The following CELF4 variants were observed in gnomAD, a reference collection of about 807,000 sequenced individuals.
The protein encoded by CELF4 is CUGBP Elav-like family member 4.
A neutral mutation model predicts 59.9 loss-of-function variants in CELF4; 18 were observed. That is an observed-to-expected ratio of 0.30 (90% CI 0.21 to 0.45). The LOEUF (loss-of-function observed/expected upper bound fraction) is 0.45, where lower values mean the gene tolerates loss of function less well. Among genes scored for constraint, CELF4 ranks in the 20% least tolerant of loss-of-function variants. CELF4 has a pLI of 1.00. For missense variants in CELF4, 456 were observed against 689.0 expected (o/e 0.66, Z 3.79); for synonymous variants, 261 against 267.1 (o/e 0.98, Z 0.22).
intron 8 of CELF4, among the ~76,000 whole-genome samples, chr18:37,268,770 T>C (rs2078953983): frequency 6.6e-6 from 1 of 152,220 alleles, no homozygotes; most frequent in South Asian, 2.1e-4. Context: ...AACGACCTCA[T>C]TAGTAACTGC....
intron 8 of CELF4, among the ~76,000 whole-genome samples, chr18:37,269,512 C>T (rs2090087554): frequency 6.6e-6 from 1 of 152,196 alleles, no homozygotes; most frequent in Non-Finnish European, 1.5e-5. Context: ...GATGGGCACC[C>T]AGAGTGGGGA....
At chr18:37,518,816 G>T (rs1355069103) in intron 1 of CELF4, among the ~76,000 whole-genome samples, 1 of 152,228 alleles carries the variant, frequency 6.6e-6, no homozygotes. Flanking sequence ...GTTCCTTACA[G>T]TTTTAGGTGT....
intron 1 of CELF4, among the ~76,000 whole-genome samples, chr18:37,539,759 G>A (rs113337892): frequency 1.0e-3 from 154 of 152,244 alleles, no homozygotes; most frequent in African/African-American, 3.6e-3. Context: ...CTGGGCATGT[G>A]GCTAGTAAAA....
intron 2 of CELF4, among the ~76,000 whole-genome samples, chr18:37,388,054 G>T (rs2099118059): frequency 6.6e-6 from 1 of 152,068 alleles, no homozygotes; most frequent in Non-Finnish European, 1.5e-5. Context: ...GAAGGCAGGA[G>T]TTGGGGGAGG....
chr18:37,406,079 C>T (rs914126080), intron 2 of CELF4, among the ~76,000 whole-genome samples: 4 of 152,104 alleles, frequency 2.6e-5, no homozygotes, highest in African/African-American at 4.8e-5. Context: ...GACGCAGGTT[C>T]GCTGGAGAAA....
intron 1 of CELF4, among the ~76,000 whole-genome samples, chr18:37,515,665 T>C (rs891196409): frequency 6.6e-6 from 1 of 151,920 alleles, no homozygotes; most frequent in African/African-American, 2.4e-5. Flanking sequence ...AGGGTGGCGG[T>C]GGATCCAGTG....
At position 37,419,411 on chromosome 18, in the gene CELF4, G is replaced by A. The variant is rs537065607; in HGVS notation, c.369+66114C>T. 5.9e-5 allele frequency among the ~76,000 whole-genome samples: 9 copies of A among 152,280 alleles called. No individual in the cohort carries two copies. In the South Asian group the frequency reaches 1.5e-3, roughly 25 times the overall value. On this transcript the variant is annotated intron_variant, in intron 2 of 12. Coordinates refer to ENST00000420428, the MANE Select transcript of CELF4 (RefSeq NM_020180.4). ...TCAGGAAAAGACGCAGGAGAGATGG[G>A]GCCAGAGTTGAGGTATGCGACTGCA...
intron 2 of CELF4, among the ~76,000 whole-genome samples, chr18:37,381,039 T>G (rs569074482): frequency 8.0e-5 from 12 of 150,140 alleles, no homozygotes; most frequent in African/African-American, 2.2e-4. Context: ...TCATCCATCA[T>G]CTACCATCCA....
intron 2 of CELF4, among the ~76,000 whole-genome samples, chr18:37,376,784 G>A (rs188611405): frequency 6.6e-6 from 1 of 152,338 alleles, no homozygotes; most frequent in African/African-American, 2.4e-5. Context: ...CCTCTGGCCT[G>A]GCAAGGGTTG....
intron 10 of CELF4, among the ~76,000 whole-genome samples, chr18:37,262,026 C>G (rs1040987284): frequency 1.3e-5 from 2 of 152,216 alleles, no homozygotes; most frequent in Non-Finnish European, 2.9e-5. Flanking sequence ...CACCTTGCGC[C>G]TGTCTCTCCC....
intron 2 of CELF4, among the ~76,000 whole-genome samples, chr18:37,436,235 C>T (rs1429154422): frequency 1.3e-5 from 2 of 152,134 alleles, no homozygotes; most frequent in East Asian, 1.9e-4. Context: ...CACTGTATAC[C>T]GATACGTTTG....
chr18:37,273,724 AC>A (rs1248946298), intron 6 of CELF4: 1 of 987,422 alleles, frequency 1.0e-6, no homozygotes, highest in African/African-American at 1.7e-5. Flanking sequence ...CAGACCCAGA[AC>A]CGTGGCCTGC....
chr18:37,562,269 C>G (rs1293897407), intron 1 of CELF4, among the ~76,000 whole-genome samples: 3 of 152,166 alleles, frequency 2.0e-5, no homozygotes, highest in Non-Finnish European at 2.9e-5. Flanking sequence ...TCCATTAACC[C>G]TTAGAACTCC....
intron 5 of CELF4, 95 bp from the exon 6 acceptor site, chr18:37,274,549 G>C: frequency 1.3e-6 from 2 of 1,594,870 alleles, no homozygotes; most frequent in Non-Finnish European, 1.7e-6. Context: ...CCCGCTCCTC[G>C]GGGCGCTTTG....
At position 37,273,085 on chromosome 18, in the gene CELF4, C is replaced by A; in HGVS notation, c.880G>T (p.Ala294Ser). The A allele has an allele frequency of 3.7e-6, 6 of 1,613,136 alleles. No individual in the cohort carries two copies. Among genetic ancestry groups the A allele is most frequent in the Non-Finnish European group, 5.1e-6 (6 of 1,179,936 alleles). The change falls in exon 7 of 13, where the codon GCC (alanine) becomes TCC (serine). Residue 294 changes from alanine (A) to serine (S), a missense_variant. Physicochemically the swap from Ala to Ser is moderately conservative, Grantham distance 99. Transcript: ENST00000420428. ...YLNPMAAFAA[A>S]QMQQMAALNM... is the part of the protein sequence containing the mutation. ...AGGGCCGCCATCTGCTGCATCTGGG[C>A]GGCAGCGAAGGCAGCCATGGGGTTC...
At chr18:37,378,390 G>C (rs915771932) in intron 2 of CELF4, among the ~76,000 whole-genome samples, 1 of 151,840 alleles carries the variant, frequency 6.6e-6, no homozygotes, top group Admixed American at 6.5e-5. Flanking sequence ...GGGCCATAGG[G>C]GTGGCCAAGG....
chr18:37,306,419 G>A (rs1569552844), intron 3 of CELF4: 1 of 152,442 alleles, frequency 6.6e-6, no homozygotes, highest in African/African-American at 2.4e-5. Flanking sequence ...TGGGTGACTT[G>A]CTGTGGATGT....
intron 2 of CELF4, among the ~76,000 whole-genome samples, chr18:37,453,020 G>A (rs1157633412): frequency 6.6e-6 from 1 of 152,146 alleles, no homozygotes; most frequent in Non-Finnish European, 1.5e-5. Flanking sequence ...CCCTCCAGAT[G>A]AGGCACCACC....
chr18:37,285,209 C>G (rs1342408291), intron 3 of CELF4, among the ~76,000 whole-genome samples: 1 of 152,236 alleles, frequency 6.6e-6, no homozygotes, highest in East Asian at 1.9e-4. Context: ...TCCTGCCCAT[C>G]CCTCTGATCA....
Sources: gnomAD v4.1 joint callset for allele counts (sites outside exome capture counted in the v4.1 genomes callset) on GRCh38, gnomAD v4.1.1 for gene constraint, MANE v1.5 for transcripts, NCBI Gene and HGNC (gene_info 2026-07-23, HGNC 2026-07-21) for gene names.